The following SUDS3 variants were observed in gnomAD, a reference collection of about 807,000 sequenced individuals.
The protein encoded by SUDS3 is SIN3A corepressor complex component SDS3.
SUDS3 carries 23 observed loss-of-function variants against 53.5 expected under a neutral mutation model. That is an observed-to-expected ratio of 0.43 (90% CI 0.31 to 0.61). The LOEUF (loss-of-function observed/expected upper bound fraction) is 0.61. Among genes scored for constraint, SUDS3 ranks in the 20% least tolerant of loss-of-function variants. The pLI is 0.10. For synonymous variants in SUDS3, 150 were observed against 148.5 expected, an observed-to-expected ratio of 1.01 and a Z score of -0.08; for missense variants, 291 against 405.9, an observed-to-expected ratio of 0.72 and a Z score of 2.43.
At chr12:118,384,204 C>A in intron 3 of SUDS3, 137 bp downstream of exon 3, 1 of 796,446 alleles carries the variant, frequency 1.3e-6, no homozygotes, top group Non-Finnish European at 2.0e-6. Flanking sequence ...GTACATTTTG[C>A]TATCTTTTGC....
At chr12:118,396,678 C>T (rs182062974) in intron 6 of SUDS3, among the ~76,000 whole-genome samples, 1 of 152,276 alleles carries the variant, frequency 6.6e-6, no homozygotes, top group African/African-American at 2.4e-5. Flanking sequence ...TGCCGTTGTA[C>T]ACTATAGGCA....
At chr12:118,379,945 A>G (rs1171911070) in intron 1 of SUDS3, among the ~76,000 whole-genome samples, 1 of 152,192 alleles carries the variant, frequency 6.6e-6, no homozygotes, top group Non-Finnish European at 1.5e-5. Context: ...GGATACTCAA[A>G]TTCTTTGCAT....
rs1187515448 is a variant in SUDS3, at chr12:118,386,171, G to A, written c.326G>A (p.Arg109Lys). 6.2e-7 allele frequency: 1 copy of A among 1,600,740 alleles called. No homozygotes were observed. The highest frequency in any genetic ancestry group is 8.5e-7 in the Non-Finnish European group (1 of 1,173,468). ...AAACTAGATCAGCAGTACAAAGAGA[G>A]GATACGGAATGCAGGTAAGGCTCCT... ...MKKLDQQYKE[R>K]IRNAELFLQL... is the part of the protein sequence containing the mutation. The change falls in exon 4 of 12, where the codon AGG becomes AAG. Residue 109 changes from arginine to lysine, a missense_variant. Coordinates refer to ENST00000543473, the MANE Select transcript of SUDS3 (RefSeq NM_022491.3).
rs531575899 is a variant in SUDS3 at position 118,390,883 on chromosome 12, T to C, written c.361-243T>C. On this transcript the variant is annotated intron_variant, in intron 5 of 11. Transcript: ENST00000543473. ...GAGAAATGTGTTTTAGTATAAAATA[T>C]AGGATGTGGAAGCGAAAAAATATCT... is the stretch of plus-strand genomic sequence containing the variant. 9.2e-5 allele frequency: 51 copies of C among 555,336 alleles called. No individual in the cohort carries two copies. The Middle Eastern group carries it at 1.5e-3, about 16-fold the overall frequency. 34.4% of individuals were successfully genotyped at this position (555,336 alleles called of 1,614,324 possible).
Position 118,376,584 on chromosome 12 carries a change from C to T in SUDS3, c.-108C>T, listed in dbSNP as rs1342842917. Reference sequence around the variant, plus strand: ...ACGGGGAAGGGGTCGCCGTGGCTGCCGGTCCTCGAGTTGGGGGCTGCCGCG... The same window carrying T: ...ACGGGGAAGGGGTCGCCGTGGCTGCTGGTCCTCGAGTTGGGGGCTGCCGCG... On this transcript the variant is annotated 5_prime_UTR_variant, in exon 1 of 12. Coordinates refer to ENST00000543473, the MANE Select transcript of SUDS3 (RefSeq NM_022491.3). 13 of 1,234,834 alleles carry T rather than the reference C, an allele frequency of 1.1e-5. No individual in the cohort carries two copies. The South Asian group carries it at 1.6e-4, about 15-fold the overall frequency. 76.5% of individuals were successfully genotyped at this position (1,234,834 alleles called of 1,614,324 possible).
chr12:118,392,189 C>A (rs1335182899), intron 6 of SUDS3, among the ~76,000 whole-genome samples: 1 of 152,210 alleles, frequency 6.6e-6, no homozygotes, highest in African/African-American at 2.4e-5. Flanking sequence ...TCTTACAATT[C>A]GGAAAGTGCT....
intron 1 of SUDS3, among the ~76,000 whole-genome samples, chr12:118,379,747 A>G (rs557865199): frequency 6.6e-6 from 1 of 152,356 alleles, no homozygotes; most frequent in Middle Eastern, 3.4e-3. Context: ...TTTCTGCAGA[A>G]GTAGCAGCCT....
chr12:118,399,979 G>A (rs1035534317), intron 6 of SUDS3, among the ~76,000 whole-genome samples: 6 of 152,100 alleles, frequency 3.9e-5, no homozygotes, highest in African/African-American at 9.7e-5. Context: ...AGCGAACCCC[G>A]AGGAGGCAGG....
At chr12:118,392,658 C>T (rs1016572715) in intron 6 of SUDS3, among the ~76,000 whole-genome samples, 4 of 152,168 alleles carry the variant, frequency 2.6e-5, no homozygotes, top group Admixed American at 6.5e-5. Flanking sequence ...GTCTGCCTGC[C>T]GGCTTTTGGA....
At chr12:118,390,146 A>C (rs770670136) in intron 5 of SUDS3, among the ~76,000 whole-genome samples, 200 bp downstream of exon 5, 1 of 152,202 alleles carries the variant, frequency 6.6e-6, no homozygotes, top group African/African-American at 2.4e-5. Flanking sequence ...TGCTTATCAC[A>C]GGGGAATAAG....
intron 11 of SUDS3, 102 bp downstream of exon 11, chr12:118,411,259 A>C (rs1447662872): frequency 4.0e-6 from 4 of 999,112 alleles, no homozygotes; most frequent in Non-Finnish European, 6.1e-6. Context: ...AGTACAGTGG[A>C]GTACTGTCTT....
Position 118,380,168 on chromosome 12 carries a change from A to C in SUDS3, c.149A>C (p.Glu50Ala). 1.2e-6 allele frequency: 2 copies of C among 1,607,228 alleles called. No individual in the cohort carries two copies. The highest frequency in any genetic ancestry group is 1.7e-6 in the Non-Finnish European group (2 of 1,176,596). The change falls in exon 2 of 12, where the codon GAG (glutamate) becomes GCG (alanine). Residue 50 changes from glutamate to alanine, a missense_variant. Glu to Ala is a moderately radical substitution (Grantham distance 107, BLOSUM62 -1). Coordinates refer to ENST00000543473, the MANE Select transcript of SUDS3 (RefSeq NM_022491.3). Reference protein sequence around the residue: ...CRGRESDEDTEDASETDLAKH... With the variant: ...CRGRESDEDTADASETDLAKH... ...ATTTCCTAACTTTATTCAGACACTG[A>C]GGATGCTAGTGAAACTGACCTGGCA...
intron 3 of SUDS3, among the ~76,000 whole-genome samples, chr12:118,384,794 T>C (rs1324719493): frequency 6.7e-6 from 1 of 149,652 alleles, no homozygotes; most frequent in Non-Finnish European, 1.5e-5. Flanking sequence ...ATCGTGCCAC[T>C]GCACTCCAGC....
At chr12:118,385,852 T>C (rs113023727) in intron 3 of SUDS3, among the ~76,000 whole-genome samples, 2 of 152,160 alleles carry the variant, frequency 1.3e-5, no homozygotes, top group East Asian at 1.9e-4. Context: ...CTGATCAGAA[T>C]AGTGTGGAGA....
intron 2 of SUDS3, among the ~76,000 whole-genome samples, chr12:118,382,257 A>C (rs2046072210): frequency 6.6e-6 from 1 of 152,096 alleles, no homozygotes; most frequent in East Asian, 1.9e-4. Context: ...CATGTTGGCC[A>C]GGCTGGTCTT....
intron 5 of SUDS3, among the ~76,000 whole-genome samples, chr12:118,390,641 A>G (rs983710896): frequency 6.6e-6 from 1 of 152,220 alleles, no homozygotes; most frequent in African/African-American, 2.4e-5. Flanking sequence ...GTCAGTCACC[A>G]CAATGGCGAG....
In SUDS3 at chr12:118,417,393, G is replaced by A. The variant is rs776839344; in HGVS notation, c.*2960G>A. 6.6e-6 allele frequency: 1 copy of A among 151,958 alleles called. No homozygotes were observed. Among genetic ancestry groups the A allele is most frequent in the Non-Finnish European group, 1.5e-5 (1 of 67,980 alleles). 9.4% of individuals were successfully genotyped at this position (151,958 alleles called of 1,614,324 possible). A position where few individuals can be genotyped will look rare whatever the true frequency, so the allele number is the denominator to read the frequency against. ...TTAACCTAATTCTGGAGAGAAGATT[G>A]TATTTTTTACAGTTTTTTGGGTTTG... On this transcript the variant is annotated 3_prime_UTR_variant, in exon 12 of 12. Coordinates refer to ENST00000543473, the MANE Select transcript of SUDS3 (RefSeq NM_022491.3).
intron 10 of SUDS3, 107 bp downstream of exon 10, chr12:118,403,624 A>G (rs373193907): frequency 7.1e-6 from 6 of 845,814 alleles, no homozygotes; most frequent in Non-Finnish European, 9.6e-6. Context: ...CTAAACTTAC[A>G]TAGTACTAAA....
At chr12:118,393,303 T>C (rs1438430356) in intron 6 of SUDS3, among the ~76,000 whole-genome samples, 1 of 152,240 alleles carries the variant, frequency 6.6e-6, no homozygotes, top group East Asian at 1.9e-4. Flanking sequence ...GTCTCCTTTT[T>C]TGGTTCAACA....
Sources: gnomAD v4.1 joint callset for allele counts (sites outside exome capture counted in the v4.1 genomes callset) on GRCh38, gnomAD v4.1.1 for gene constraint, MANE v1.5 for transcripts, NCBI Gene and HGNC (gene_info 2026-07-23, HGNC 2026-07-21) for gene names.